The following IHO1 variants were observed in gnomAD, a reference collection of about 807,000 sequenced individuals.
IHO1 encodes the protein interactor of HORMAD1 protein 1.
IHO1 carries 13 observed loss-of-function variants against 31.0 expected under a neutral mutation model. That is an observed-to-expected ratio of 0.42 (90% CI 0.27 to 0.67). The LOEUF (loss-of-function observed/expected upper bound fraction) is 0.67. Ranked by LOEUF, IHO1 falls within the 30% of genes least tolerant of loss-of-function variation. The probability of loss-of-function intolerance (pLI) is 0.24; values close to 1 mark genes in which losing one functional copy is unlikely to be tolerated. For synonymous variants in IHO1, 221 were observed against 248.4 expected (o/e 0.89, Z 1.04); for missense variants, 599 against 687.5 (o/e 0.87, Z 1.44).
chr3:49,221,425 T>C (rs954340362), intron 2 of IHO1, among the ~76,000 whole-genome samples: 2 of 152,194 alleles, frequency 1.3e-5, no homozygotes, highest in African/African-American at 4.8e-5. Context: ...AGAGCGCTGA[T>C]TGGTGCAGTT....
chr3:49,247,719 G>A (rs551864522), intron 6 of IHO1, among the ~76,000 whole-genome samples: 13 of 152,080 alleles, frequency 8.5e-5, no homozygotes, highest in South Asian at 2.1e-4. Flanking sequence ...AGTCTGGGAC[G>A]TCGAAGCTGC....
At chr3:49,241,740 C>A (rs2046634460) in intron 4 of IHO1, among the ~76,000 whole-genome samples, 1 of 152,050 alleles carries the variant, frequency 6.6e-6, no homozygotes, top group African/African-American at 2.4e-5. Context: ...CCTGCCTCAG[C>A]CTCCTGAGTA....
intron 6 of IHO1, chr3:49,245,439 G>C (rs549516142): frequency 1.3e-5 from 2 of 152,394 alleles, no homozygotes; most frequent in African/African-American, 4.8e-5. Context: ...GCCCGCCTCA[G>C]CCTCCCAAAG....
chr3:49,237,052 A>G (rs1339971145), intron 3 of IHO1, among the ~76,000 whole-genome samples: 1 of 151,244 alleles, frequency 6.6e-6, no homozygotes, highest in Non-Finnish European at 1.5e-5. Context: ...ACCTGTCTCA[A>G]AAAAAAAACA....
chr3:49,237,029 T>C (rs1038455501), intron 3 of IHO1, among the ~76,000 whole-genome samples: 15 of 151,264 alleles, frequency 9.9e-5, no homozygotes, highest in African/African-American at 3.7e-4. Context: ...CCAGCCTGGG[T>C]GACAGAGTGA....
intron 1 of IHO1, among the ~76,000 whole-genome samples, chr3:49,210,141 G>A (rs1393122040): frequency 2.0e-5 from 3 of 151,376 alleles, no homozygotes; most frequent in Non-Finnish European, 4.4e-5. Context: ...TGATCCTGCC[G>A]CCTCAGCCTC....
chr3:49,194,817 C>T (rs376163181), upstream of IHO1, among the ~76,000 whole-genome samples: 18 of 151,928 alleles, frequency 1.2e-4, no homozygotes, highest in East Asian at 2.6e-3. Flanking sequence ...GATTGCTTGA[C>T]CCCGGGAGGG....
chr3:49,244,359 C>T, intron 4 of IHO1, 45 bp from the exon 5 acceptor site: 1 of 1,151,828 alleles, frequency 8.7e-7, no homozygotes, highest in Non-Finnish European at 1.3e-6. Flanking sequence ...CTTATCACTT[C>T]AATATTTCAT....
chr3:49,217,330 C>T (rs1264483298), intron 2 of IHO1, among the ~76,000 whole-genome samples: 1 of 151,950 alleles, frequency 6.6e-6, no homozygotes. Flanking sequence ...GAGTTCATGT[C>T]CTTTTCAGGG....
chr3:49,244,410 T>C lies in IHO1; in HGVS notation c.402T>C (p.Thr134=). The change falls in exon 5 of 8, where the codon ACT becomes ACC. Residue 134 remains threonine (T), a synonymous_variant. Transcript: ENST00000452691. ...TTTTTCCCTCCTATTCTAGTGAGAC[T>C]CTATACAACTTTGTTTCTAATGTTA... ...KRAKDKCDSE[T]LYNFVSNVRE... is the part of the protein sequence containing the mutation. 1 of 1,550,108 alleles carries C rather than the reference T, an allele frequency of 6.5e-7. No homozygotes were observed. The highest frequency in any genetic ancestry group is 1.4e-5 in the African/African-American group (1 of 72,844).
chr3:49,246,107 G>C (rs1250861129), intron 6 of IHO1, among the ~76,000 whole-genome samples: 2 of 151,248 alleles, frequency 1.3e-5, no homozygotes, highest in African/African-American at 4.9e-5. Flanking sequence ...GCTTGAATCT[G>C]GGAGGCGGAG....
upstream of IHO1, among the ~76,000 whole-genome samples, chr3:49,196,522 G>A (rs1415711136): frequency 8.7e-5 from 13 of 149,104 alleles, no homozygotes; most frequent in East Asian, 2.0e-4. Context: ...TTGCTCTGTC[G>A]CCCAGGCTGG....
At chr3:49,215,096 G>A (rs1249338911) in intron 2 of IHO1, among the ~76,000 whole-genome samples, 1 of 151,218 alleles carries the variant, frequency 6.6e-6, no homozygotes, top group Non-Finnish European at 1.5e-5. Context: ...TGTTGCCCAG[G>A]CTGGAGTTTA....
chr3:49,191,673 G>A, the IHO1 span: 124 of 1,514,992 alleles, frequency 8.2e-5, no homozygotes, highest in East Asian at 1.6e-4. Context: ...TCACTTCACC[G>A]GCATGACTCA....
Position 49,257,406 on chromosome 3 carries a change from G to A in IHO1, c.*124G>A. ...CAGGGTCAGAGGCCCTGCTGAGGTGGGGCAATGAGCACGAGGGCAGGGAAG... is the reference window on the plus strand; with the variant it reads ...CAGGGTCAGAGGCCCTGCTGAGGTGAGGCAATGAGCACGAGGGCAGGGAAG... On this transcript the variant is annotated 3_prime_UTR_variant, in exon 8 of 8. Coordinates refer to ENST00000452691, the MANE Select transcript of IHO1 (RefSeq NM_001135197.2). The A allele has an allele frequency of 1.1e-6, 1 of 950,060 alleles. No homozygotes were observed. Among genetic ancestry groups the A allele is most frequent in the Non-Finnish European group, 1.6e-6 (1 of 624,256 alleles). The allele number at this position is 950,060 out of a possible 1,614,324, so 58.9% of individuals were successfully genotyped here. A position where few individuals can be genotyped will look rare whatever the true frequency, so the allele number is the denominator to read the frequency against.
chr3:49,208,238 A>G (rs561724440), intron 1 of IHO1, among the ~76,000 whole-genome samples: 51 of 152,322 alleles, frequency 3.3e-4, no homozygotes, highest in Middle Eastern at 3.4e-3. Flanking sequence ...TCCCTAGAAC[A>G]GGGGTCTCCA....
At chr3:49,196,602 C>A (rs2045997964), upstream of IHO1, among the ~76,000 whole-genome samples, 1 of 152,006 alleles carries the variant, frequency 6.6e-6, no homozygotes, top group Admixed American at 6.6e-5. Flanking sequence ...TGTGGCTTAG[C>A]CTCCCCAGTA....
intron 6 of IHO1, among the ~76,000 whole-genome samples, chr3:49,254,327 G>A (rs551884415): frequency 2.6e-5 from 4 of 152,214 alleles, no homozygotes; most frequent in Admixed American, 2.6e-4. Flanking sequence ...ATCTCACTGT[G>A]CAAAAGAGGA....
intron 6 of IHO1, among the ~76,000 whole-genome samples, chr3:49,253,563 T>C (rs2046787699): frequency 6.6e-6 from 1 of 152,168 alleles, no homozygotes. Flanking sequence ...GTTTCAGCCA[T>C]GCTGATCTCA....
Sources: gnomAD v4.1 joint callset for allele counts (sites outside exome capture counted in the v4.1 genomes callset) on GRCh38, gnomAD v4.1.1 for gene constraint, MANE v1.5 for transcripts, NCBI Gene and HGNC (gene_info 2026-07-23, HGNC 2026-07-21) for gene names.